Variants in RAPGEF2 observed in about 807,000 individuals in gnomAD.
RAPGEF2 encodes Rap guanine nucleotide exchange factor 2.
In RAPGEF2, 54 loss-of-function variants were observed where a neutral mutation model predicts 186.7. That is an observed-to-expected ratio of 0.29 (90% CI 0.23 to 0.36). RAPGEF2 has a LOEUF of 0.36. RAPGEF2 is among the 10% of genes least tolerant of loss of function. The pLI, the probability that RAPGEF2 is intolerant of heterozygous loss-of-function variation, is 1.00. For missense variants in RAPGEF2, 1,532 were observed against 2,045.0 expected (o/e 0.75, Z 4.84); for synonymous variants, 712 against 705.9 (o/e 1.01, Z -0.14).
chr4:159,257,209 TAGTC>T (rs1407721985), intron 7 of RAPGEF2, among the ~76,000 whole-genome samples: 1 of 152,196 alleles, frequency 6.6e-6, no homozygotes, highest in Non-Finnish European at 1.5e-5. Flanking sequence ...ACATTTGTAT[TAGTC>T]AGTTTCACAC....
rs559402808 is a variant in RAPGEF2, at chr4:159,342,897, C to T, written c.2919-82C>T. The T allele has an allele frequency of 7.8e-4, 939 of 1,209,126 alleles. 1 individual carries two copies. Among genetic ancestry groups the T allele is most frequent in the Non-Finnish European group, 1.0e-3 (892 of 854,632 alleles). The allele number at this position is 1,209,126 out of a possible 1,614,324, so 74.9% of individuals were successfully genotyped here. A position where few individuals can be genotyped will look rare whatever the true frequency, so the allele number is the denominator to read the frequency against. On this transcript the variant is annotated intron_variant, in intron 20 of 29. Coordinates refer to ENST00000691494, the MANE Select transcript of RAPGEF2 (RefSeq NM_001394067.2). ...AATTGTTATGCATATAAAGCATAAA[C>T]ATAGAGATGTTATATGTCAATAAAT...
At position 159,142,680 on chromosome 4, in the gene RAPGEF2, A is replaced by G. The variant is rs946044454; in HGVS notation, c.69+38449A>G. 3.3e-5 allele frequency among the ~76,000 whole-genome samples: 5 copies of G among 152,178 alleles called. No individual in the cohort carries two copies. The South Asian group carries it at 6.2e-4, about 19-fold the overall frequency. ...TATAATTCTAAAAAAGCCTTTAAAA[A>G]TTTTCTTTTCAGTTTAAATTATAGA... On this transcript the variant is annotated intron_variant, in intron 1 of 29. Coordinates refer to ENST00000691494, the MANE Select transcript of RAPGEF2 (RefSeq NM_001394067.2).
chr4:159,276,184 G>C (rs1758842216), intron 7 of RAPGEF2, among the ~76,000 whole-genome samples: 1 of 152,120 alleles, frequency 6.6e-6, no homozygotes, highest in South Asian at 2.1e-4. Context: ...GGGGTTTGGG[G>C]GAAGTTCAGC....
intron 7 of RAPGEF2, among the ~76,000 whole-genome samples, chr4:159,279,845 A>G (rs1044675523): frequency 6.6e-6 from 1 of 151,766 alleles, no homozygotes; most frequent in Non-Finnish European, 1.5e-5. Flanking sequence ...CACCCAGCTA[A>G]TTTTTGTGGA....
At chr4:159,155,769 CTT>C (rs369222826) in intron 1 of RAPGEF2, among the ~76,000 whole-genome samples, 54 of 144,226 alleles carry the variant, frequency 3.7e-4, no homozygotes, top group African/African-American at 1.1e-3. Context: ...ACAATGCACT[CTT>C]TTTTTTTTTT....
At position 159,254,695 on chromosome 4, in the gene RAPGEF2, G is replaced by A. The variant is rs542800357; in HGVS notation, c.543+10904G>A. 1.3e-4 allele frequency among the ~76,000 whole-genome samples: 20 copies of A among 148,450 alleles called. No individual in the cohort carries two copies. The South Asian group carries it at 4.0e-3, about 30-fold the overall frequency. ...ACAATCTCCGCTCACTGCAACCCCT[G>A]TCTTCTGGGTTCAAATGATTTTCCC... On this transcript the variant is annotated intron_variant, in intron 7 of 29. Transcript: ENST00000691494.
intron 1 of RAPGEF2, among the ~76,000 whole-genome samples, chr4:159,181,615 G>T (rs1189270434): frequency 1.5e-5 from 2 of 131,756 alleles, no homozygotes; most frequent in African/African-American, 5.9e-5. Flanking sequence ...GTCTCGCTCT[G>T]TTGCCAGGCT....
At chr4:159,178,224 AT>A (rs1389238676) in intron 1 of RAPGEF2, among the ~76,000 whole-genome samples, 1 of 152,062 alleles carries the variant, frequency 6.6e-6, no homozygotes, top group East Asian at 1.9e-4. Flanking sequence ...CCCCCACCCC[AT>A]TATTTTTTGT....
intron 1 of RAPGEF2, among the ~76,000 whole-genome samples, chr4:159,175,240 T>G (rs1195278433): frequency 6.6e-6 from 1 of 152,196 alleles, no homozygotes; most frequent in Non-Finnish European, 1.5e-5. Context: ...TCAGAAACAG[T>G]ATTTTGCCTT....
Position 159,331,698 on chromosome 4 carries a change from G to A in RAPGEF2, c.1644G>A (p.Thr548=), listed in dbSNP as rs756185393. 6.2e-6 allele frequency: 10 copies of A among 1,614,016 alleles called. No individual in the cohort carries two copies. Among genetic ancestry groups the A allele is most frequent in the Middle Eastern group, 1.6e-4 (1 of 6,084 alleles). The part of the protein sequence containing the change: ...CAAKAKRRLM[T]LTKPSREAPL... ...CTAAAGCAAAAAGAAGATTGATGAC[G>A]TTAACAAAACCATCCCGAGAAGCTC... Residue 548 remains threonine, a synonymous_variant, in exon 15 of 30, where the codon ACG becomes ACA. Transcript: ENST00000691494.
chr4:159,354,034 A>G lies in RAPGEF2; in HGVS notation c.4639A>G (p.Lys1547Glu), dbSNP rs1313771176. 2 of 1,574,134 alleles carry G rather than the reference A, an allele frequency of 1.3e-6. No homozygotes were observed. Among genetic ancestry groups the G allele is most frequent in the African/African-American group, 1.4e-5 (1 of 73,132 alleles). ...AHIAVASSTT[K>E]GLIARKEGRY... ...CATAGCTGTGGCATCAAGTACTACA[A>G]AGGGGCTCATTGGTAAGTTTTAAAA... Residue 1547 changes from lysine to glutamate, a missense_variant, in exon 28 of 30, where the codon AAG becomes GAG. Physicochemically the swap from Lys to Glu is moderately conservative, Grantham distance 56. Around this residue, in one of 4 missense-constraint regions of RAPGEF2, gnomAD observed 594 missense variants for 608.5 expected, o/e 0.98. Coordinates refer to ENST00000691494, the MANE Select transcript of RAPGEF2 (RefSeq NM_001394067.2).
Position 159,186,723 on chromosome 4 carries a change from T to TAATCATAGAATGG in RAPGEF2, c.140+11_140+12insAATCATAGAATGG. Reference sequence around the variant, plus strand: ...GGAGCATCAACTTAGGTATGTCATTTTAATATTCAGTTAATCATAGAATGG... The same window carrying TAATCATAGAATGG: ...GGAGCATCAACTTAGGTATGTCATTTAATCATAGAATGGTAATATTCAGTTAATCATAGAATGG... On this transcript the variant is annotated intron_variant, in intron 2 of 29. Coordinates refer to ENST00000691494, the MANE Select transcript of RAPGEF2 (RefSeq NM_001394067.2). 2 of 1,399,860 alleles carry TAATCATAGAATGG rather than the reference T, an allele frequency of 1.4e-6. No individual in the cohort carries two copies. The highest frequency in any genetic ancestry group is 1.9e-6 in the Non-Finnish European group (2 of 1,036,290). 86.7% of individuals were successfully genotyped at this position (1,399,860 alleles called of 1,614,324 possible).
intron 2 of RAPGEF2, among the ~76,000 whole-genome samples, chr4:159,190,706 A>T (rs1748037538): frequency 1.3e-5 from 2 of 152,212 alleles, no homozygotes; most frequent in Non-Finnish European, 2.9e-5. Flanking sequence ...AGAGAGAAGA[A>T]TGAGTGCCCA....
intron 1 of RAPGEF2, among the ~76,000 whole-genome samples, chr4:159,144,976 C>A (rs1019726854): frequency 6.7e-6 from 1 of 148,556 alleles, no homozygotes; most frequent in Non-Finnish European, 1.5e-5. Context: ...CAGCCTCTAC[C>A]TCCCTAGGCT....
chr4:159,243,062 G>A (rs879865508), intron 6 of RAPGEF2, among the ~76,000 whole-genome samples: 1 of 150,762 alleles, frequency 6.6e-6, no homozygotes, highest in African/African-American at 2.4e-5. Context: ...TCCTTACACG[G>A]CTCCCTTTTC....
intron 7 of RAPGEF2, chr4:159,267,090 G>T: frequency 9.3e-7 from 1 of 1,075,728 alleles, no homozygotes; most frequent in Non-Finnish European, 1.2e-6. Flanking sequence ...TATAGGGAGA[G>T]GGAGGGTGAG....
At chr4:159,217,594 G>A (rs1297472418) in intron 4 of RAPGEF2, among the ~76,000 whole-genome samples, 3 of 152,140 alleles carry the variant, frequency 2.0e-5, no homozygotes, top group Non-Finnish European at 4.4e-5. Context: ...TCTTTGCTAT[G>A]GTGAATAGTG....
chr4:159,200,854 T>A (rs1188052769), intron 3 of RAPGEF2, among the ~76,000 whole-genome samples: 1 of 152,142 alleles, frequency 6.6e-6, no homozygotes, highest in East Asian at 1.9e-4. Flanking sequence ...CCCTCTACTT[T>A]AAAAATGTCA....
At chr4:159,302,466 ATAGAG>A (rs1174951171) in intron 7 of RAPGEF2, among the ~76,000 whole-genome samples, 2 of 152,196 alleles carry the variant, frequency 1.3e-5, no homozygotes, top group African/African-American at 4.8e-5. Context: ...TCTCTAAGCC[ATAGAG>A]TAATGTTTCC....
Sources: allele counts gnomAD v4.1 joint callset (sites outside exome capture counted in the v4.1 genomes callset), GRCh38; gene constraint gnomAD v4.1.1; regional missense constraint gnomAD v4.1.1; transcripts MANE v1.5; gene names NCBI Gene and HGNC (gene_info 2026-07-23, HGNC 2026-07-21).